ADAMTS17: variants seen among roughly 807,000 people sequenced by gnomAD.
ADAMTS17 encodes the protein ADAM metallopeptidase with thrombospondin type 1 motif 17, also known as A disintegrin and metalloproteinase with thrombospondin motifs 17.
In ADAMTS17, 113 loss-of-function variants were observed where a neutral mutation model predicts 141.5. The ratio of observed to expected loss-of-function variants is 0.80; its 90% CI spans 0.69 to 0.93. The LOEUF (loss-of-function observed/expected upper bound fraction) is 0.93, where lower values mean the gene tolerates loss of function less well. ADAMTS17 is among the 40% of genes least tolerant of loss of function. ADAMTS17 has a pLI of 0.00. For missense variants in ADAMTS17, 1,659 were observed against 1,517.9 expected (o/e 1.09, Z -1.54); for synonymous variants, 768 against 630.6 (o/e 1.22, Z -3.27).
chr15:100,341,570 G>A (rs907389845), intron 1 of ADAMTS17, among the ~76,000 whole-genome samples, 161 bp from the exon 2 acceptor site: 28 of 149,434 alleles, frequency 1.9e-4, no homozygotes, highest in African/African-American at 6.5e-4. Flanking sequence ...CGCCACCCGG[G>A]GAGGGTCTCC....
At chr15:100,180,233 A>G (rs2040476972) in intron 8 of ADAMTS17, among the ~76,000 whole-genome samples, 1 of 152,194 alleles carries the variant, frequency 6.6e-6, no homozygotes, top group Admixed American at 6.5e-5. Flanking sequence ...TTTTCTGCAT[A>G]TGGATATCTA....
intron 7 of ADAMTS17, among the ~76,000 whole-genome samples, chr15:100,242,214 G>A (rs540549959): frequency 6.6e-6 from 1 of 152,308 alleles, no homozygotes; most frequent in East Asian, 1.9e-4. Flanking sequence ...TGCTGCAATG[G>A]CTTCGGCATG....
At chr15:100,290,719 G>T (rs985882532) in intron 3 of ADAMTS17, among the ~76,000 whole-genome samples, 1 of 152,128 alleles carries the variant, frequency 6.6e-6, no homozygotes, top group Admixed American at 6.5e-5. Flanking sequence ...ACAACTACCT[G>T]ATCTCTGAAA....
At chr15:100,020,379 G>A (rs1216690416) in intron 18 of ADAMTS17, among the ~76,000 whole-genome samples, 1 of 152,192 alleles carries the variant, frequency 6.6e-6, no homozygotes, top group Admixed American at 6.5e-5. Context: ...CGCTCCCTCA[G>A]CAACTGTGTT....
At chr15:100,165,878 C>G (rs183779392) in intron 8 of ADAMTS17, among the ~76,000 whole-genome samples, 1 of 152,056 alleles carries the variant, frequency 6.6e-6, no homozygotes, top group Non-Finnish European at 1.5e-5. Context: ...AATTCTTTTT[C>G]CTTTCTCTCT....
intron 7 of ADAMTS17, among the ~76,000 whole-genome samples, chr15:100,207,159 T>C (rs2041603814): frequency 6.6e-6 from 1 of 152,158 alleles, no homozygotes; most frequent in Middle Eastern, 3.2e-3. Context: ...CCAACAGGTC[T>C]GGGTCCTTAT....
intron 7 of ADAMTS17, among the ~76,000 whole-genome samples, chr15:100,244,727 G>A (rs530714273): frequency 1.8e-4 from 27 of 152,068 alleles, no homozygotes; most frequent in East Asian, 2.0e-4. Flanking sequence ...CGATTTCCTC[G>A]GCTTGTTCCA....
chr15:100,313,117 G>T (rs943589680), intron 3 of ADAMTS17, among the ~76,000 whole-genome samples: 1 of 152,114 alleles, frequency 6.6e-6, no homozygotes, highest in African/African-American at 2.4e-5. Flanking sequence ...AGCTTCCATG[G>T]TTCATAAATT....
intron 3 of ADAMTS17, among the ~76,000 whole-genome samples, chr15:100,300,475 C>A (rs549972194): frequency 3.0e-4 from 46 of 152,320 alleles, no homozygotes; most frequent in African/African-American, 1.1e-3. Context: ...TGGACTCCTA[C>A]TCCCAACTTT....
intron 18 of ADAMTS17, among the ~76,000 whole-genome samples, chr15:99,998,400 C>T (rs1302794567): frequency 2.6e-5 from 4 of 152,070 alleles, no homozygotes; most frequent in African/African-American, 9.7e-5. Flanking sequence ...GTCAGGAGAT[C>T]GAGACCAGCC....
intron 7 of ADAMTS17, among the ~76,000 whole-genome samples, chr15:100,228,807 C>T (rs187975703): frequency 6.6e-6 from 1 of 152,170 alleles, no homozygotes; most frequent in African/African-American, 2.4e-5. Flanking sequence ...AAGGAGCTGG[C>T]CTGCTCACTA....
chr15:100,057,599 T>C (rs114334011), intron 15 of ADAMTS17, among the ~76,000 whole-genome samples: 3,152 of 152,218 alleles, frequency 0.021, 130 homozygotes, highest in African/African-American at 0.072. Context: ...CATCTGTTTC[T>C]CCCTTTAAGC....
chr15:100,292,643 G>C (rs925695144), intron 3 of ADAMTS17, among the ~76,000 whole-genome samples: 3 of 152,340 alleles, frequency 2.0e-5, no homozygotes, highest in African/African-American at 7.2e-5. Context: ...TGCCCACCAA[G>C]CACTGAGTCA....
At chr15:100,079,932 C>G (rs11853616) in intron 15 of ADAMTS17, among the ~76,000 whole-genome samples, 2 of 152,034 alleles carry the variant, frequency 1.3e-5, no homozygotes, top group South Asian at 4.2e-4. Context: ...CTGCAAAGAA[C>G]GGTGGAATGG....
chr15:100,071,800 T>C (rs1232299220), intron 15 of ADAMTS17, among the ~76,000 whole-genome samples: 4 of 150,390 alleles, frequency 2.7e-5, no homozygotes, highest in African/African-American at 9.8e-5. Flanking sequence ...GCCAATATCA[T>C]ACCGAATGGG....
intron 10 of ADAMTS17, among the ~76,000 whole-genome samples, chr15:100,147,904 G>A (rs1360642034): frequency 2.0e-5 from 3 of 152,146 alleles, no homozygotes; most frequent in Non-Finnish European, 4.4e-5. Context: ...TAAAGCCAAG[G>A]TGTCAATAGG....
intron 15 of ADAMTS17, among the ~76,000 whole-genome samples, chr15:100,057,344 C>A (rs2032666721): frequency 6.6e-6 from 1 of 152,178 alleles, no homozygotes; most frequent in South Asian, 2.1e-4. Context: ...CAAATGATTT[C>A]TTTGAAGCTG....
At chr15:100,036,691 A>C (rs2030753100) in intron 18 of ADAMTS17, among the ~76,000 whole-genome samples, 1 of 152,188 alleles carries the variant, frequency 6.6e-6, no homozygotes, top group Non-Finnish European at 1.5e-5. Flanking sequence ...TTTTTATTAC[A>C]ACAAAAGAAA....
chr15:100,144,592 C>T (rs746451726), intron 10 of ADAMTS17, among the ~76,000 whole-genome samples: 6 of 151,906 alleles, frequency 3.9e-5, no homozygotes, highest in Non-Finnish European at 7.4e-5. Flanking sequence ...GTGGCAGTCA[C>T]GGGTATGGCT....
Sources: gnomAD v4.1 joint callset for allele counts (sites outside exome capture counted in the v4.1 genomes callset) on GRCh38, gnomAD v4.1.1 for gene constraint, MANE v1.5 for transcripts, NCBI Gene and HGNC (gene_info 2026-07-23, HGNC 2026-07-21) for gene names.